Variants in FBRSL1 observed in about 807,000 individuals in gnomAD.
FBRSL1 encodes the protein fibrosin like 1, also known as fibrosin-1-like protein.
A neutral mutation model predicts 89.6 loss-of-function variants in FBRSL1; 51 were observed. The ratio of observed to expected loss-of-function variants is 0.57; its 90% CI spans 0.45 to 0.72. The LOEUF is 0.72. Among genes scored for constraint, FBRSL1 ranks in the 30% least tolerant of loss-of-function variants. The pLI is 0.00. For synonymous variants in FBRSL1, 779 were observed against 681.1 expected, an observed-to-expected ratio of 1.14 and a Z score of -2.24; for missense variants, 1,618 against 1,451.8, an observed-to-expected ratio of 1.11 and a Z score of -1.86.
chr12:132,564,354 C>A (rs2039409286), intron 5 of FBRSL1, among the ~76,000 whole-genome samples: 1 of 129,586 alleles, frequency 7.7e-6, no homozygotes, highest in Non-Finnish European at 1.6e-5. Context: ...TGTTCCAGAT[C>A]CCTGCTTGGG....
chr12:132,511,324 G>A (rs1007924254), intron 2 of FBRSL1: 14 of 985,534 alleles, frequency 1.4e-5, no homozygotes, highest in South Asian at 9.4e-5. Flanking sequence ...CCCCTGCAGC[G>A]TCCCGTCTGG....
At chr12:132,541,598 G>A (rs2137208898) in intron 4 of FBRSL1, among the ~76,000 whole-genome samples, 1 of 152,370 alleles carries the variant, frequency 6.6e-6, no homozygotes. Flanking sequence ...ACAGGACTGA[G>A]GCGGCCGAAA....
rs1244792401 is a variant in FBRSL1, at chr12:132,567,461, C to T, written c.646-20C>T. 9 of 1,550,708 alleles carry T rather than the reference C, an allele frequency of 5.8e-6. No individual in the cohort carries two copies. The East Asian group carries it at 1.5e-4, about 25-fold the overall frequency. ...TGAGGACCACCCTGACTGCCCCTGA[C>T]CCCCCTTCTCTCTCTCCAGGCATCC... On this transcript the variant is annotated intron_variant, in intron 5 of 18. Coordinates refer to ENST00000680143, the MANE Select transcript of FBRSL1 (RefSeq NM_001367871.1).
At chr12:132,557,020 CCCAGGGTGGTTT>C (rs2038735101) in intron 5 of FBRSL1, among the ~76,000 whole-genome samples, 1 of 152,180 alleles carries the variant, frequency 6.6e-6, no homozygotes, top group South Asian at 2.1e-4. Flanking sequence ...TTGGGTGCCC[CCCAGGGTGGTTT>C]CCAGGGCGAT....
intron 9 of FBRSL1, chr12:132,572,063 C>T: frequency 3.5e-6 from 2 of 566,458 alleles, no homozygotes; most frequent in African/African-American, 1.9e-5. Flanking sequence ...GTTCCCACCC[C>T]ATGCAAGGGG....
At position 132,583,454 on chromosome 12, in the gene FBRSL1, C is replaced by T; in HGVS notation, c.2685C>T (p.Pro895=). Residue 895 remains proline, a synonymous_variant, in exon 19 of 19, where the codon CCC becomes CCT. Coordinates refer to ENST00000680143, the MANE Select transcript of FBRSL1 (RefSeq NM_001367871.1). ...YRDREPHGYS[P]ERLRGELERA... is the part of the protein sequence containing the mutation. ...ACCGCGAGCCCCACGGCTACAGCCC[C>T]GAGCGCCTGCGCGGGGAGCTGGAGC... 1 of 1,063,688 alleles carries T rather than the reference C, an allele frequency of 9.4e-7. No individual in the cohort carries two copies. Among genetic ancestry groups the T allele is most frequent in the African/African-American group, 1.7e-5 (1 of 57,464 alleles). 65.9% of individuals were successfully genotyped at this position (1,063,688 alleles called of 1,614,324 possible).
intron 2 of FBRSL1, 63 bp downstream of exon 2, chr12:132,508,413 A>G (rs2033943856): frequency 7.3e-7 from 1 of 1,369,984 alleles, no homozygotes; most frequent in Non-Finnish European, 9.6e-7. Flanking sequence ...CCCCAGGGCC[A>G]TGCCAGCACC....
At chr12:132,493,639 G>C (rs2136316737) in intron 1 of FBRSL1, among the ~76,000 whole-genome samples, 1 of 152,258 alleles carries the variant, frequency 6.6e-6, no homozygotes, top group South Asian at 2.1e-4. Flanking sequence ...GCCCCCGGCA[G>C]GTCCCTGCCC....
At chr12:132,498,452 G>C (rs1201164573) in intron 1 of FBRSL1, among the ~76,000 whole-genome samples, 1 of 152,094 alleles carries the variant, frequency 6.6e-6, no homozygotes, top group Non-Finnish European at 1.5e-5. Flanking sequence ...TGTGGCTGCC[G>C]ACCCCTCCCG....
intron 4 of FBRSL1, among the ~76,000 whole-genome samples, chr12:132,528,548 T>G (rs2035990238): frequency 6.8e-6 from 1 of 147,062 alleles, no homozygotes. Flanking sequence ...GCAGCCTTCA[T>G]GACGGGTGTG....
chr12:132,572,270 C>T lies in FBRSL1; in HGVS notation c.1378-18C>T. On this transcript the variant is annotated intron_variant, in intron 9 of 18. Coordinates refer to ENST00000680143, the MANE Select transcript of FBRSL1 (RefSeq NM_001367871.1). ...TGTCGTGTGTGCGGGGCCTCACCCTCCTCTCCTTCCCTTCCAGTTTGACAA... is the reference window on the plus strand; with the variant it reads ...TGTCGTGTGTGCGGGGCCTCACCCTTCTCTCCTTCCCTTCCAGTTTGACAA... 6.4e-7 allele frequency: 1 copy of T among 1,550,556 alleles called. No homozygotes were observed. Among genetic ancestry groups the T allele is most frequent in the Non-Finnish European group, 8.7e-7 (1 of 1,146,480 alleles).
At chr12:132,571,473 C>A in intron 9 of FBRSL1, 2 of 1,549,904 alleles carry the variant, frequency 1.3e-6, no homozygotes, top group Non-Finnish European at 1.7e-6. Context: ...AACACACATT[C>A]GCCCCCTTCC....
chr12:132,490,879 G>C lies in FBRSL1; in HGVS notation c.291+18G>C. On this transcript the variant is annotated intron_variant, in intron 1 of 18. Coordinates refer to ENST00000680143, the MANE Select transcript of FBRSL1 (RefSeq NM_001367871.1). ...CCCTGGAGGTAGGTGGACGGGTGCG[G>C]CTTCGCAGGCGTTGAGGCGAGAACG... is the stretch of plus-strand genomic sequence containing the variant. The C allele has an allele frequency of 2.2e-6, 3 of 1,368,330 alleles. No individual in the cohort carries two copies. The highest frequency in any genetic ancestry group is 1.9e-6 in the Non-Finnish European group (2 of 1,059,200). The allele number at this position is 1,368,330 out of a possible 1,614,324, so 84.8% of individuals were successfully genotyped here.
chr12:132,542,213 C>A (rs1041907958), intron 4 of FBRSL1, among the ~76,000 whole-genome samples: 3 of 152,250 alleles, frequency 2.0e-5, no homozygotes, highest in Non-Finnish European at 4.4e-5. Flanking sequence ...ACGGCAGATG[C>A]TCCTCGTATC....
At chr12:132,562,837 G>C (rs2039250926) in intron 5 of FBRSL1, among the ~76,000 whole-genome samples, 1 of 152,128 alleles carries the variant, frequency 6.6e-6, no homozygotes, top group African/African-American at 2.4e-5. Flanking sequence ...TGACTAGGAA[G>C]GGCTTCCCAT....
At chr12:132,493,084 TGA>T (rs2031365716) in intron 1 of FBRSL1, among the ~76,000 whole-genome samples, 1 of 152,160 alleles carries the variant, frequency 6.6e-6, no homozygotes, top group Non-Finnish European at 1.5e-5. Flanking sequence ...ATGGGGACCT[TGA>T]GGCTCCCCAT....
At chr12:132,536,044 CAGTG>C (rs1295634645) in intron 4 of FBRSL1, among the ~76,000 whole-genome samples, 9 of 150,758 alleles carry the variant, frequency 6.0e-5, no homozygotes, top group South Asian at 4.2e-4. Flanking sequence ...ATGTACATGA[CAGTG>C]TGTGTGCCAC....
At chr12:132,533,231 A>G (rs1464826445) in intron 4 of FBRSL1, among the ~76,000 whole-genome samples, 1 of 133,660 alleles carries the variant, frequency 7.5e-6, no homozygotes, top group African/African-American at 2.9e-5. Context: ...ACCCAGCCAC[A>G]GTCTCCTCCC....
chr12:132,493,752 C>T (rs1012069441), intron 1 of FBRSL1, among the ~76,000 whole-genome samples: 15 of 152,222 alleles, frequency 9.9e-5, no homozygotes, highest in African/African-American at 1.9e-4. Context: ...GTTCTGTGCC[C>T]GGGGCAGGCC....
Sources: allele counts gnomAD v4.1 joint callset (sites outside exome capture counted in the v4.1 genomes callset), GRCh38; gene constraint gnomAD v4.1.1; transcripts MANE v1.5; gene names NCBI Gene and HGNC (gene_info 2026-07-23, HGNC 2026-07-21).